GRK3: variants seen among roughly 807,000 people sequenced by gnomAD.
GRK3 encodes the protein adrenergic, beta, receptor kinase 2.
Under a neutral mutation model 95.7 loss-of-function variants are expected in GRK3, and 54 were observed. The observed-to-expected ratio is 0.56, with a 90% CI of 0.45 to 0.71. The LOEUF is 0.71. Among genes scored for constraint, GRK3 ranks in the 30% least tolerant of loss-of-function variants. The pLI is 0.00. For synonymous variants in GRK3, 281 were observed against 290.8 expected (o/e 0.97, Z 0.34); for missense variants, 649 against 851.2 (o/e 0.76, Z 2.96).
chr22:25,714,661 AT>A (rs2085369481), intron 18 of GRK3, 91 bp downstream of exon 18: 1 of 1,264,590 alleles, frequency 7.9e-7, no homozygotes, highest in Non-Finnish European at 1.1e-6. Flanking sequence ...GTCGTAAGGT[AT>A]TTTGCAGTCG....
At chr22:25,711,470 T>C (rs1389314791) in intron 17 of GRK3, among the ~76,000 whole-genome samples, 1 of 152,162 alleles carries the variant, frequency 6.6e-6, no homozygotes, top group Non-Finnish European at 1.5e-5. Flanking sequence ...ATATCAAACA[T>C]ACTTCCCTAG....
chr22:25,696,165 A>G (rs1305604542), intron 13 of GRK3, among the ~76,000 whole-genome samples: 1 of 151,846 alleles, frequency 6.6e-6, no homozygotes, highest in African/African-American at 2.4e-5. Flanking sequence ...ATGTTTTTAG[A>G]GGTGAGGTCT....
At chr22:25,647,508 A>C in intron 3 of GRK3, 2 of 1,456,880 alleles carry the variant, frequency 1.4e-6, no homozygotes, top group Non-Finnish European at 1.9e-6. Flanking sequence ...CAGTGGTGCC[A>C]AGTTCATATC....
At chr22:25,588,497 G>A (rs1031636266) in intron 1 of GRK3, among the ~76,000 whole-genome samples, 13 of 152,192 alleles carry the variant, frequency 8.5e-5, no homozygotes, top group African/African-American at 3.1e-4. Context: ...AACTATTTAA[G>A]ATTCTTTTAC....
chr22:25,578,088 T>C (rs1438120226), intron 1 of GRK3, among the ~76,000 whole-genome samples: 1 of 152,184 alleles, frequency 6.6e-6, no homozygotes, highest in Non-Finnish European at 1.5e-5. Context: ...AAGAGTTAAA[T>C]AAAAATTCTG....
At chr22:25,669,676 T>A (rs1023348141) in intron 6 of GRK3, among the ~76,000 whole-genome samples, 1 of 152,186 alleles carries the variant, frequency 6.6e-6, no homozygotes, top group African/African-American at 2.4e-5. Context: ...ATAACCCCCG[T>A]GGAGACAGGA....
intron 13 of GRK3, among the ~76,000 whole-genome samples, chr22:25,700,854 G>A (rs879734489): frequency 4.6e-5 from 7 of 152,170 alleles, no homozygotes; most frequent in Non-Finnish European, 7.3e-5. Flanking sequence ...CAAAGTGTGG[G>A]ATTACAGGCG....
At chr22:25,699,808 C>T (rs1476244109) in intron 13 of GRK3, among the ~76,000 whole-genome samples, 1 of 151,528 alleles carries the variant, frequency 6.6e-6, no homozygotes, top group East Asian at 1.9e-4. Context: ...ACGCCATTCT[C>T]CTGCCTCAGC....
intron 2 of GRK3, among the ~76,000 whole-genome samples, chr22:25,605,868 T>C (rs1432349445): frequency 6.6e-6 from 1 of 152,234 alleles, no homozygotes; most frequent in Non-Finnish European, 1.5e-5. Flanking sequence ...GCATAAGGCC[T>C]TCAAGGTTCG....
intron 1 of GRK3, among the ~76,000 whole-genome samples, chr22:25,579,313 A>AT (rs879433931): frequency 6.3e-4 from 90 of 143,904 alleles, no homozygotes; most frequent in South Asian, 1.8e-3. Context: ...TGCCTGGCTA[A>AT]TTTTTTTTTT....
chr22:25,643,354 C>CGAACACTT, intron 2 of GRK3, among the ~76,000 whole-genome samples: 1 of 152,252 alleles, frequency 6.6e-6, no homozygotes, highest in East Asian at 1.9e-4. Flanking sequence ...TTTGAGTGAA[C>CGAACACTT]GAACACTTAC....
At chr22:25,680,658 G>T (rs1219347835) in intron 9 of GRK3, among the ~76,000 whole-genome samples, 1 of 152,000 alleles carries the variant, frequency 6.6e-6, no homozygotes. Flanking sequence ...GTTATTTTGG[G>T]CTATCACTTT....
chr22:25,604,254 G>T (rs756219921), intron 1 of GRK3, 123 bp from the exon 2 acceptor site: 1 of 635,796 alleles, frequency 1.6e-6, no homozygotes. Context: ...TCACGCAGTT[G>T]TGGCAAGAAG....
chr22:25,661,114 CTT>C (rs1362944439), intron 3 of GRK3, among the ~76,000 whole-genome samples: 1 of 152,168 alleles, frequency 6.6e-6, no homozygotes, highest in East Asian at 1.9e-4. Context: ...TGAAAAATCT[CTT>C]TGCAGGAATT....
chr22:25,685,603 C>G (rs1601525616), intron 10 of GRK3, among the ~76,000 whole-genome samples: 2 of 152,158 alleles, frequency 1.3e-5, no homozygotes, highest in African/African-American at 4.8e-5. Context: ...AGAATATAGG[C>G]CAAAGATAGA....
rs1207996538 is a variant in GRK3 at position 25,695,204 on chromosome 22, C to T, written c.1150C>T (p.Leu384Phe). The part of the protein sequence containing the change: ...WFSLGCMLFK[L>F]LRGHSPFRQH... ...CTCCCTGGGCTGCATGCTTTTCAAA[C>T]TTCTGAGAGGGTGAGTTGAAATGCA... Residue 384 changes from leucine (L) to phenylalanine (F), a missense_variant, in exon 13 of 21, where the codon CTT (leucine) becomes TTT (phenylalanine). By Grantham distance (22) the Leu-to-Phe change is conservative. This residue lies in a region of GRK3 where 382 missense variants were observed against 493.8 expected (regional missense o/e 0.77). Transcript: ENST00000324198. The T allele has an allele frequency of 6.2e-7, 1 of 1,613,690 alleles. No homozygotes were observed. Among genetic ancestry groups the T allele is most frequent in the Non-Finnish European group, 8.5e-7 (1 of 1,179,590 alleles).
chr22:25,576,310 C>T (rs1178855970), intron 1 of GRK3, among the ~76,000 whole-genome samples: 2 of 152,266 alleles, frequency 1.3e-5, no homozygotes, highest in African/African-American at 2.4e-5. Context: ...GAGTGGCTTA[C>T]GCTGGATGTC....
intron 1 of GRK3, among the ~76,000 whole-genome samples, chr22:25,579,742 G>T (rs1354242392): frequency 6.6e-6 from 1 of 152,106 alleles, no homozygotes; most frequent in Non-Finnish European, 1.5e-5. Context: ...AAAGTGCTGG[G>T]ATTATAGGAG....
intron 15 of GRK3, among the ~76,000 whole-genome samples, chr22:25,708,885 C>A (rs2085321755): frequency 2.0e-5 from 3 of 151,672 alleles, no homozygotes; most frequent in Admixed American, 2.0e-4. Flanking sequence ...TGGTCTCGAT[C>A]TCCTGAACTC....
Sources: allele counts gnomAD v4.1 joint callset (sites outside exome capture counted in the v4.1 genomes callset), GRCh38; gene constraint gnomAD v4.1.1; regional missense constraint gnomAD v4.1.1; transcripts MANE v1.5; gene names NCBI Gene and HGNC (gene_info 2026-07-23, HGNC 2026-07-21).